CAMTA2: variants seen among roughly 807,000 people sequenced by gnomAD.
CAMTA2 encodes calmodulin-binding transcription activator 2.
A neutral mutation model predicts 135.7 loss-of-function variants in CAMTA2; 56 were observed. The observed-to-expected ratio is 0.41, with a 90% confidence interval of 0.33 to 0.52. The LOEUF is 0.52. Among genes scored for constraint, CAMTA2 ranks in the 20% least tolerant of loss-of-function variants. The probability of loss-of-function intolerance (pLI) is 0.16; values close to 1 mark genes in which losing one functional copy is unlikely to be tolerated. For synonymous variants in CAMTA2, 591 were observed against 604.6 expected (o/e 0.98, Z 0.33); for missense variants, 1,358 against 1,553.4 (o/e 0.87, Z 2.11).
chr17:4,986,016 C>T, intron 2 of CAMTA2, 33 bp from the exon 3 acceptor site: 1 of 1,483,470 alleles, frequency 6.7e-7, no homozygotes, highest in East Asian at 2.3e-5. Context: ...GTTTAGTGTG[C>T]TACCCTGGGG....
Position 4,969,551 on chromosome 17 carries a change from T to C in CAMTA2, c.3262-31A>G. The C allele has an allele frequency of 1.2e-6, 2 of 1,614,142 alleles. No individual in the cohort carries two copies. The highest frequency in any genetic ancestry group is 2.2e-5 in the South Asian group (2 of 91,082). The stretch of plus-strand genomic sequence containing the variant: ...GGAGAGAGAAGGGGAGTTAGGGCTC[T>C]GGCAACATTCTGGAATGGTTAGGCG... On this transcript the variant is annotated intron_variant, in intron 19 of 22. Coordinates refer to ENST00000348066, the MANE Select transcript of CAMTA2 (RefSeq NM_015099.4). The surrounding 1 kb of genome is among the most constrained non-coding windows in gnomAD (Gnocchi z 5.6).
chr17:4,986,700 C>G (rs1973343794), intron 1 of CAMTA2: 1 of 548,520 alleles, frequency 1.8e-6, no homozygotes, highest in South Asian at 2.2e-5. Context: ...GAGATTCTAC[C>G]TCCGGTAGAA....
chr17:4,976,649 T>C (rs1045724063), intron 11 of CAMTA2, among the ~76,000 whole-genome samples: 3 of 152,024 alleles, frequency 2.0e-5, no homozygotes, highest in Non-Finnish European at 4.4e-5. Flanking sequence ...TGCAGTGACC[T>C]GAGATCGCGC....
chr17:4,981,237 T>A lies in CAMTA2; in HGVS notation c.688A>T (p.Ser230Cys). The change falls in exon 8 of 23, where the codon AGT becomes TGT. Residue 230 changes from serine (S) to cysteine (C), a missense_variant. Coordinates refer to ENST00000348066, the MANE Select transcript of CAMTA2 (RefSeq NM_015099.4). ...GGGAGTAACTTACCAAGCCCCCCAC[T>A]GCAGAGACAGGCGTGGGTTCGGGGA... ...PAPRTHACLC[S>C]GGLGSGSLTH... 6.2e-7 allele frequency: 1 copy of A among 1,613,800 alleles called. No individual in the cohort carries two copies. The highest frequency in any genetic ancestry group is 8.5e-7 in the Non-Finnish European group (1 of 1,179,964).
Position 4,980,139 on chromosome 17 carries a change from C to G in CAMTA2, c.1183G>C (p.Gly395Arg). ...GCCTCGGGGAAGTCTGGGCTTACTC[C>G]CTGCCCCCCTCCATATGTCTGGCCC... ...QRGQTYGGGQGVSPDFPEAEA... is the reference protein window; with the variant it reads ...QRGQTYGGGQRVSPDFPEAEA... Residue 395 changes from glycine (G) to arginine (R), a missense_variant, in exon 9 of 23, where the codon GGA (glycine) becomes CGA (arginine). Coordinates refer to ENST00000348066, the MANE Select transcript of CAMTA2 (RefSeq NM_015099.4). This position sits in a 1 kb window ranked among gnomAD's most constrained non-coding sequence, Gnocchi z 5.3. 1 of 1,595,114 alleles carries G rather than the reference C, an allele frequency of 6.3e-7. No individual in the cohort carries two copies.
chr17:4,982,635 G>A, intron 5 of CAMTA2, 122 bp downstream of exon 5: 1 of 1,068,564 alleles, frequency 9.4e-7, no homozygotes, highest in Non-Finnish European at 1.3e-6. Context: ...GAGTGAGAAG[G>A]GAAGAGTAAC....
rs748760001 is a variant in CAMTA2 at position 4,979,672 on chromosome 17, C to A, written c.1638+12G>T. ...TAGGAGGGAGGAGGGAGGAGGTAAG[C>A]CTGAGTCTCACCTCTGGGTAGGACC... is the stretch of plus-strand genomic sequence containing the variant. On this transcript the variant is annotated intron_variant, in intron 9 of 22. Transcript: ENST00000348066. 5 of 1,568,934 alleles carry A rather than the reference C, an allele frequency of 3.2e-6. No individual in the cohort carries two copies. The highest frequency in any genetic ancestry group is 4.4e-6 in the Non-Finnish European group (5 of 1,141,868).
At chr17:4,984,036 T>C (rs1973119986) in intron 3 of CAMTA2, among the ~76,000 whole-genome samples, 1 of 152,130 alleles carries the variant, frequency 6.6e-6, no homozygotes, top group Non-Finnish European at 1.5e-5. Context: ...CTGCAAGCTC[T>C]TCCTCCTGGG....
chr17:4,983,289 T>G (rs543487865), intron 3 of CAMTA2: 6 of 426,838 alleles, frequency 1.4e-5, no homozygotes, highest in Non-Finnish European at 2.2e-5. Context: ...GTGCCCCTTT[T>G]TTTTTCTTTT....
intron 16 of CAMTA2, among the ~76,000 whole-genome samples, chr17:4,971,833 C>G (rs1368991854): frequency 6.6e-6 from 1 of 151,896 alleles, no homozygotes; most frequent in Non-Finnish European, 1.5e-5. Flanking sequence ...GGATTACAGG[C>G]ACATACCACA....
intron 3 of CAMTA2, among the ~76,000 whole-genome samples, chr17:4,983,486 T>C (rs1462072761): frequency 1.3e-5 from 2 of 152,084 alleles, no homozygotes; most frequent in African/African-American, 2.4e-5. Flanking sequence ...GATTTCACCA[T>C]GTTGGTAAGG....
chr17:4,985,971 T>A lies in CAMTA2; in HGVS notation c.44A>T (p.His15Leu), dbSNP rs1010649184. 1.2e-6 allele frequency: 2 copies of A among 1,613,072 alleles called. 1 individual carries two copies. Among genetic ancestry groups the A allele is most frequent in the Admixed American group, 3.3e-5 (2 of 59,976 alleles). ...CTTCTTGGGGAGAAAGATCTTCAGG[T>A]GGTGGCTGTTTTCTAAAGGGAATTA... ...DTTEVAENSH[H>L]LKIFLPKKLL... Residue 15 changes from histidine to leucine, a missense_variant, in exon 3 of 23, where the codon CAC becomes CTC. By Grantham distance (99) the His-to-Leu change is moderately conservative. Coordinates refer to ENST00000348066, the MANE Select transcript of CAMTA2 (RefSeq NM_015099.4).
In CAMTA2 at chr17:4,970,375, C is replaced by G. The variant is rs1406599441; in HGVS notation, c.2970G>C (p.Glu990Asp). The change falls in exon 17 of 23, where the codon GAG (glutamate) becomes GAC (aspartate). Residue 990 changes from glutamate to aspartate, a missense_variant. Glu to Asp is a conservative substitution (Grantham distance 45). Coordinates refer to ENST00000348066, the MANE Select transcript of CAMTA2 (RefSeq NM_015099.4). ...ETMSWLASYL[E>D]NVDHFPSSTP... ...TTGAGCTGGGGAAATGGTCCACATT[C>G]TCCAGGTAGCTGGCCAGCCAGGACA... is the stretch of plus-strand genomic sequence containing the variant. The G allele has an allele frequency of 6.2e-7, 1 of 1,614,244 alleles. No individual in the cohort carries two copies.
rs1972209026 is a variant in CAMTA2 at position 4,970,401 on chromosome 17, T to C, written c.2944A>G (p.Met982Val). ...TCCAGGTAGCTGGCCAGCCAGGACA[T>C]GGTCTCACTGAGCCCCACAGCCCCT... ...RTGAVGLSETMSWLASYLENV... is the reference protein window; with the variant it reads ...RTGAVGLSETVSWLASYLENV... Residue 982 changes from methionine (M) to valine (V), a missense_variant, in exon 17 of 23, where the codon ATG becomes GTG. Met to Val is a conservative substitution (Grantham distance 21). Around this residue, in one of 4 missense-constraint regions of CAMTA2, gnomAD observed 1,077 missense variants for 1,127.5 expected, o/e 0.96. Transcript: ENST00000348066. The C allele has an allele frequency of 1.8e-5, 29 of 1,614,162 alleles. No individual in the cohort carries two copies. Among genetic ancestry groups the C allele is most frequent in the Non-Finnish European group, 2.5e-5 (29 of 1,180,026 alleles).
In CAMTA2 at chr17:4,986,178, G is replaced by A. The variant is rs757706958; in HGVS notation, c.31+14C>T. 3 of 1,527,060 alleles carry A rather than the reference G, an allele frequency of 2.0e-6. No individual in the cohort carries two copies. Among genetic ancestry groups the A allele is most frequent in the South Asian group, 2.2e-5 (2 of 89,384 alleles). The allele number at this position is 1,527,060 out of a possible 1,614,324, so 94.6% of individuals were successfully genotyped here. A position where few individuals can be genotyped will look rare whatever the true frequency, so the allele number is the denominator to read the frequency against. Reference sequence around the variant, plus strand: ...AGGCTGTGGCCACATTGGGAACCTGGTTTGTGAACTTACCAGCAACCTCGG... The same window carrying A: ...AGGCTGTGGCCACATTGGGAACCTGATTTGTGAACTTACCAGCAACCTCGG... On this transcript the variant is annotated intron_variant, in intron 2 of 22. Transcript: ENST00000348066.
In CAMTA2 at chr17:4,972,235, G is replaced by T; in HGVS notation, c.2805C>A (p.Ile935=). The T allele has an allele frequency of 6.2e-7, 1 of 1,613,082 alleles. No homozygotes were observed. Among genetic ancestry groups the T allele is most frequent in the Non-Finnish European group, 8.5e-7 (1 of 1,179,310 alleles). ...ACTCCATCAATATAAGCAGTACCGG[G>T]ATCACATCCACAGCCTGTGGGCTGT... ...DADSPQAVDV[I]PVDMISLAKQ... is the part of the protein sequence containing the mutation. Residue 935 remains isoleucine (I), a synonymous_variant, in exon 16 of 23, where the codon ATC becomes ATA. Coordinates refer to ENST00000348066, the MANE Select transcript of CAMTA2 (RefSeq NM_015099.4).
intron 17 of CAMTA2, 94 bp downstream of exon 17, chr17:4,970,246 G>T: frequency 6.7e-7 from 1 of 1,492,192 alleles, no homozygotes; most frequent in Non-Finnish European, 9.3e-7. Flanking sequence ...TGGGGCCTCA[G>T]CCAGAATGGA....
chr17:4,973,421 G>A (rs1216674196), intron 13 of CAMTA2, among the ~76,000 whole-genome samples, 164 bp downstream of exon 13: 1 of 152,186 alleles, frequency 6.6e-6, no homozygotes, highest in African/African-American at 2.4e-5. Flanking sequence ...TGTAAGTCAG[G>A]ATATGAAAGT....
In CAMTA2 at chr17:4,978,603, G is replaced by T; in HGVS notation, c.1666C>A (p.Pro556Thr). ...TAATGCTCGGCGGCTTCGGTCCAAGGACCTGTGATGAGCACCTTGACCCCA... is the reference window on the plus strand; with the variant it reads ...TAATGCTCGGCGGCTTCGGTCCAAGTACCTGTGATGAGCACCTTGACCCCA... The part of the protein sequence containing the change: ...EGGVKVLITG[P>T]WTEAAEHYSC... Residue 556 changes from proline (P) to threonine (T), a missense_variant, in exon 10 of 23, where the codon CCT (proline) becomes ACT (threonine). Pro to Thr is a conservative substitution (Grantham distance 38). Transcript: ENST00000348066. The T allele has an allele frequency of 6.2e-7, 1 of 1,614,054 alleles. No individual in the cohort carries two copies. The highest frequency in any genetic ancestry group is 2.2e-5 in the East Asian group (1 of 44,888).
Sources: gnomAD v4.1 joint callset for allele counts (sites outside exome capture counted in the v4.1 genomes callset) on GRCh38, gnomAD v4.1.1 for gene constraint, gnomAD v4.1.1 regional missense constraint, Gnocchi (gnomAD v3.1) non-coding constraint, MANE v1.5 for transcripts, NCBI Gene and HGNC (gene_info 2026-07-23, HGNC 2026-07-21) for gene names.